The following HERC6 variants were observed in gnomAD, a reference collection of about 807,000 sequenced individuals.
HERC6 encodes the protein probable E3 ubiquitin-protein ligase HERC6.
A neutral mutation model predicts 114.5 loss-of-function variants in HERC6; 101 were observed. The observed-to-expected ratio is 0.88, with a 90% CI of 0.75 to 1.04. HERC6 has a LOEUF of 1.04. HERC6 is among the 50% of genes least tolerant of loss of function. The pLI, the probability that HERC6 is intolerant of heterozygous loss-of-function variation, is 0.00. For synonymous variants in HERC6, 408 were observed against 436.2 expected, an observed-to-expected ratio of 0.94 and a Z score of 0.81; for missense variants, 1,133 against 1,230.9, an observed-to-expected ratio of 0.92 and a Z score of 1.19.
chr4:88,436,626 A>C (rs2149021522), intron 18 of HERC6, among the ~76,000 whole-genome samples: 1 of 152,300 alleles, frequency 6.6e-6, no homozygotes, highest in South Asian at 2.1e-4. Flanking sequence ...CCCCTAGGGG[A>C]CAAAGTCATC....
intron 11 of HERC6, among the ~76,000 whole-genome samples, chr4:88,411,984 C>T (rs1451754180): frequency 1.3e-5 from 2 of 152,134 alleles, no homozygotes; most frequent in East Asian, 3.9e-4. Context: ...TCCTATAAAC[C>T]CAGGAGGAAA....
At chr4:88,426,514 C>G (rs1384594344) in intron 15 of HERC6, among the ~76,000 whole-genome samples, 2 of 145,588 alleles carry the variant, frequency 1.4e-5, no homozygotes, top group Non-Finnish European at 3.0e-5. Context: ...GAGTCTAGCT[C>G]TGTTGCCCAG....
intron 4 of HERC6, among the ~76,000 whole-genome samples, chr4:88,392,799 G>A (rs1734988280): frequency 6.6e-6 from 1 of 152,116 alleles, no homozygotes. Flanking sequence ...CTTGCAGTCA[G>A]GGTGGCTTAT....
intron 5 of HERC6, 100 bp from the exon 6 acceptor site, chr4:88,395,915 C>T: frequency 9.8e-7 from 1 of 1,023,340 alleles, no homozygotes; most frequent in Non-Finnish European, 1.4e-6. Context: ...TTGTGTTTCA[C>T]AGAGTGCTCC....
chr4:88,434,295 G>A (rs942555328), intron 17 of HERC6, among the ~76,000 whole-genome samples: 2 of 152,190 alleles, frequency 1.3e-5, no homozygotes, highest in Admixed American at 6.5e-5. Flanking sequence ...GAAAATGGAC[G>A]TCATAATTTC....
At chr4:88,436,234 A>C (rs1163370789) in intron 18 of HERC6, among the ~76,000 whole-genome samples, 1 of 152,204 alleles carries the variant, frequency 6.6e-6, no homozygotes, top group African/African-American at 2.4e-5. Flanking sequence ...GTTTGTGTGC[A>C]TGTAAGTCTA....
chr4:88,394,912 T>C (rs1026422367), intron 5 of HERC6, among the ~76,000 whole-genome samples: 1 of 152,202 alleles, frequency 6.6e-6, no homozygotes, highest in African/African-American at 2.4e-5. Flanking sequence ...AACAAAGTAA[T>C]TTTTACAGTT....
intron 15 of HERC6, among the ~76,000 whole-genome samples, chr4:88,427,948 G>C (rs553193165): frequency 6.6e-6 from 1 of 152,328 alleles, no homozygotes; most frequent in South Asian, 2.1e-4. Context: ...ACAATGTTGA[G>C]AATTCAGAAA....
intron 22 of HERC6, among the ~76,000 whole-genome samples, chr4:88,440,960 G>A (rs1578442945): frequency 6.6e-6 from 1 of 152,024 alleles, no homozygotes; most frequent in South Asian, 2.1e-4. Flanking sequence ...CTTGCAGGTG[G>A]GTCACATGTG....
chr4:88,391,775 GT>G lies in HERC6; in HGVS notation c.664+897del, dbSNP rs1734930031. Reference sequence around the variant, plus strand: ...CTCTGAACACAAAACTCGTCAAGATGTACTCCCCACAAACTCCATCCTCCTC... The same window carrying G: ...CTCTGAACACAAAACTCGTCAAGATGACTCCCCACAAACTCCATCCTCCTC... On this transcript the variant is annotated intron_variant, in intron 4 of 22. Transcript: ENST00000264346. Among the ~76,000 whole-genome samples, 3 of 152,068 alleles carry G rather than the reference GT, an allele frequency of 2.0e-5. No homozygotes were observed. In the South Asian group the frequency reaches 6.2e-4, roughly 32 times the overall value.
chr4:88,439,751 T>A, intron 20 of HERC6, 123 bp from the exon 21 acceptor site: 1 of 880,026 alleles, frequency 1.1e-6, no homozygotes, highest in Non-Finnish European at 1.6e-6. Context: ...ATTCTTGTGC[T>A]ATATAGAAGT....
intron 3 of HERC6, among the ~76,000 whole-genome samples, chr4:88,386,194 CTTTTCTTTTTTTTTTTTT>C (rs1734567278): frequency 7.1e-6 from 1 of 141,160 alleles, no homozygotes; most frequent in African/African-American, 2.6e-5. Context: ...TATCTTTTTT[CTTTTCTTTTTTTTTTTTT>C]TTTTCTTTTT....
At chr4:88,380,313 T>C (rs1235801406) in intron 1 of HERC6, among the ~76,000 whole-genome samples, 1 of 36,722 alleles carries the variant, frequency 2.7e-5, no homozygotes, top group Non-Finnish European at 4.2e-5. Flanking sequence ...ATATATAATA[T>C]ATAAATATAT....
chr4:88,431,116 C>T (rs775788888), intron 16 of HERC6, 46 bp from the exon 17 acceptor site: 1 of 1,548,216 alleles, frequency 6.5e-7, no homozygotes, highest in Non-Finnish European at 8.8e-7. Context: ...AAGCTCAAAA[C>T]ATTGTATTTT....
intron 13 of HERC6, among the ~76,000 whole-genome samples, chr4:88,421,602 A>G (rs986216637): frequency 3.3e-5 from 5 of 151,842 alleles, no homozygotes; most frequent in African/African-American, 1.2e-4. Context: ...TGTACACCCC[A>G]TGCCTGGCTA....
At chr4:88,387,643 A>G (rs1734656946) in intron 3 of HERC6, among the ~76,000 whole-genome samples, 1 of 152,132 alleles carries the variant, frequency 6.6e-6, no homozygotes, top group Admixed American at 6.6e-5. Context: ...TGTCATTTCT[A>G]GCTGTTTGAT....
Position 88,412,235 on chromosome 4 carries a change from G to A in HERC6, c.1369-842G>A, listed in dbSNP as rs1163411020. On this transcript the variant is annotated intron_variant, in intron 11 of 22. Coordinates refer to ENST00000264346, the MANE Select transcript of HERC6 (RefSeq NM_017912.4). The stretch of plus-strand genomic sequence containing the variant: ...ACCTGACACATTGTAAGTACTCAAT[G>A]AATGTTCAAACAAATATAAAGAATA... 2.6e-5 allele frequency among the ~76,000 whole-genome samples: 4 copies of A among 152,152 alleles called. No homozygotes were observed. The East Asian group carries it at 7.7e-4, about 29-fold the overall frequency.
intron 20 of HERC6, among the ~76,000 whole-genome samples, chr4:88,439,410 G>T (rs1739104934): frequency 6.7e-6 from 1 of 149,352 alleles, no homozygotes; most frequent in Non-Finnish European, 1.5e-5. Context: ...GAAGGGAAAG[G>T]GAAAGGGAAG....
At position 88,396,897 on chromosome 4, in the gene HERC6, T is replaced by G; in HGVS notation, c.934T>G (p.Phe312Val). 1 of 1,609,056 alleles carries G rather than the reference T, an allele frequency of 6.2e-7. No homozygotes were observed. The highest frequency in any genetic ancestry group is 8.5e-7 in the Non-Finnish European group (1 of 1,176,860). The stretch of plus-strand genomic sequence containing the variant: ...GCACACCACTGGTCAGGTGGTATCT[T>G]TTGGTCATGGACCAAGTGACACAAG... ...YVHTTGQVVS[F>V]GHGPSDTSKP... Residue 312 changes from phenylalanine to valine, a missense_variant, in exon 7 of 23, where the codon TTT becomes GTT. Coordinates refer to ENST00000264346, the MANE Select transcript of HERC6 (RefSeq NM_017912.4).
Sources: gnomAD v4.1 joint callset for allele counts (sites outside exome capture counted in the v4.1 genomes callset) on GRCh38, gnomAD v4.1.1 for gene constraint, MANE v1.5 for transcripts, NCBI Gene and HGNC (gene_info 2026-07-23, HGNC 2026-07-21) for gene names.